Variants in PRKDC observed in about 807,000 individuals in gnomAD.
The protein encoded by PRKDC is DNA-dependent protein kinase catalytic subunit.
PRKDC carries 82 observed loss-of-function variants against 486.9 expected under a neutral mutation model. The ratio of observed to expected loss-of-function variants is 0.17; its 90% CI spans 0.14 to 0.20. The LOEUF (loss-of-function observed/expected upper bound fraction) is 0.20. PRKDC is among the 10% of genes least tolerant of loss of function. The pLI, the probability that PRKDC is intolerant of heterozygous loss-of-function variation, is 1.00. For synonymous variants in PRKDC, 1,895 were observed against 1,837.0 expected (o/e 1.03, Z -0.81); for missense variants, 4,504 against 5,038.2 (o/e 0.89, Z 3.21).
At position 47,782,542 on chromosome 8, in the gene PRKDC, G is replaced by C; in HGVS notation, c.11232C>G (p.Asp3744Glu). 6.4e-7 allele frequency: 1 copy of C among 1,574,686 alleles called. No individual in the cohort carries two copies. Among genetic ancestry groups the C allele is most frequent in the Non-Finnish European group, 8.6e-7 (1 of 1,160,336 alleles). The change falls in exon 79 of 86, where the codon GAC becomes GAG. Residue 3744 changes from aspartate to glutamate, a missense_variant. Transcript: ENST00000314191. The surrounding 1 kb of genome is among the most constrained non-coding windows in gnomAD (Gnocchi z 4.9). ...TCACCAGGAAAGGGTGTTCCCTCTC[G>C]TCATGGCCACGGATGATGATGCGCT... Reference protein sequence around the residue: ...RPKRIIIRGHDEREHPFLVKG... With the variant: ...RPKRIIIRGHEEREHPFLVKG...
rs757195045 is a variant in PRKDC, at chr8:47,776,956, C to T, written c.12070G>A (p.Gly4024Arg). 17 of 1,610,826 alleles carry T rather than the reference C, an allele frequency of 1.1e-5. No individual in the cohort carries two copies. Among genetic ancestry groups the T allele is most frequent in the Non-Finnish European group, 1.4e-5 (17 of 1,179,218 alleles). Residue 4024 changes from glycine to arginine, a missense_variant, in exon 85 of 86, where the codon GGA becomes AGA. This residue lies in a region of PRKDC where 706 missense variants were observed against 945.0 expected (regional missense o/e 0.75). Transcript: ENST00000314191. ...KNFEQKMLKKGGSWIQEINVA... is the reference protein window; with the variant it reads ...KNFEQKMLKKRGSWIQEINVA... ...TTTATTTCTTGAATCCATGACCCTC[C>T]TTTTTTCAGCATTTTCTGTTCAAAA...
chr8:47,808,016 G>A (rs1445272131), intron 68 of PRKDC, among the ~76,000 whole-genome samples: 1 of 152,188 alleles, frequency 6.6e-6, no homozygotes, highest in Non-Finnish European at 1.5e-5. Flanking sequence ...GAGCTATCAT[G>A]TCTGGCCTAA....
intron 10 of PRKDC, chr8:47,939,898 G>C (rs1035630394): frequency 1.4e-5 from 3 of 215,720 alleles, no homozygotes; most frequent in African/African-American, 7.5e-5. Flanking sequence ...AAGGCTATGT[G>C]ATACATTTTT....
At chr8:47,831,664 G>T in intron 60 of PRKDC, 150 bp downstream of exon 60, 1 of 755,554 alleles carries the variant, frequency 1.3e-6, no homozygotes, top group East Asian at 2.7e-5. Context: ...ATCCCTGTGG[G>T]GGAGCCCCAG....
In PRKDC at chr8:47,862,524, A is replaced by T. The variant is rs777682316; in HGVS notation, c.5768T>A (p.Phe1923Tyr). The T allele has an allele frequency of 1.2e-6, 2 of 1,610,254 alleles. No individual in the cohort carries two copies. Among genetic ancestry groups the T allele is most frequent in the South Asian group, 2.2e-5 (2 of 90,632 alleles). Residue 1923 changes from phenylalanine to tyrosine, a missense_variant, in exon 43 of 86, where the codon TTT becomes TAT. By Grantham distance (22) the Phe-to-Tyr change is conservative (BLOSUM62 3). This residue lies in a region of PRKDC where 80 missense variants were observed against 132.3 expected (regional missense o/e 0.60). Coordinates refer to ENST00000314191, the MANE Select transcript of PRKDC (RefSeq NM_006904.7). The part of the protein sequence containing the change: ...KTLIKLCYDA[F>Y]TENMAGENQL... ...ATTCTCTCCTGCCATGTTCTCTGTA[A>T]ATGCATCGTAGCACAATCTGCAGAG...
At chr8:47,886,390 T>C (rs1157533505) in intron 35 of PRKDC, among the ~76,000 whole-genome samples, 3 of 152,174 alleles carry the variant, frequency 2.0e-5, no homozygotes, top group African/African-American at 7.2e-5. Flanking sequence ...AAAGTCTTGT[T>C]GTTGTGTTTT....
At chr8:47,954,747 T>A (rs572071699) in intron 4 of PRKDC, among the ~76,000 whole-genome samples, 1 of 152,070 alleles carries the variant, frequency 6.6e-6, no homozygotes, top group African/African-American at 2.4e-5. Flanking sequence ...CTAGAACCTT[T>A]CTCCCAGAAG....
chr8:47,957,493 T>C, intron 1 of PRKDC, 62 bp from the exon 2 acceptor site: 1 of 1,297,280 alleles, frequency 7.7e-7, no homozygotes. Context: ...AAACCACTCC[T>C]AAAGGGGTTG....
Position 47,785,931 on chromosome 8 carries a change from C to G in PRKDC, c.10903-614G>C, listed in dbSNP as rs138740294. The stretch of plus-strand genomic sequence containing the variant: ...ACAAGCCTGGCCAACATTGTGAAAC[C>G]CTGTACCCACTTAAAATACAAAAAA... On this transcript the variant is annotated intron_variant, in intron 76 of 85. Transcript: ENST00000314191. Among the ~76,000 whole-genome samples the G allele has an allele frequency of 7.8e-3, 1,191 of 151,852 alleles. 12 individuals are homozygous for G. The highest frequency in any genetic ancestry group is 0.027 in the African/African-American group (1,108 of 41,386).
intron 22 of PRKDC, among the ~76,000 whole-genome samples, chr8:47,916,309 G>A (rs914690021): frequency 1.3e-5 from 2 of 152,010 alleles, no homozygotes; most frequent in Admixed American, 6.6e-5. Context: ...TTAGCCAGGC[G>A]TGGTGGCACG....
intron 54 of PRKDC, among the ~76,000 whole-genome samples, chr8:47,840,535 G>C (rs1473808789): frequency 6.6e-6 from 1 of 152,184 alleles, no homozygotes; most frequent in Non-Finnish European, 1.5e-5. Context: ...GTTGGGTAAA[G>C]GGTGTATATG....
At chr8:47,858,756 A>AG (rs1229540599) in intron 47 of PRKDC, 93 bp downstream of exon 47, 3 of 1,492,038 alleles carry the variant, frequency 2.0e-6, no homozygotes, top group Non-Finnish European at 2.7e-6. Context: ...TTATTTGATA[A>AG]GCAGTTTGGT....
chr8:47,830,880 C>CTT, intron 60 of PRKDC, 144 bp from the exon 61 acceptor site: 1 of 953,850 alleles, frequency 1.0e-6, no homozygotes, highest in South Asian at 1.6e-5. Flanking sequence ...AGTCGCCGTA[C>CTT]TTTACCGTCT....
Position 47,800,832 on chromosome 8 carries a change from G to T in PRKDC, c.10077C>A (p.Ile3359=). The part of the protein sequence containing the change: ...AEIEEDKARR[I]LELSGSSSED... ...CTGAACTGGATCCAGAAAGCTCTAA[G>T]ATTCTTCTAGCCTTGTCCTCCTCGA... The change falls in exon 71 of 86, where the codon ATC becomes ATA. Residue 3359 remains isoleucine (I), a synonymous_variant. Coordinates refer to ENST00000314191, the MANE Select transcript of PRKDC (RefSeq NM_006904.7). 1 of 1,612,628 alleles carries T rather than the reference G, an allele frequency of 6.2e-7. No homozygotes were observed. The highest frequency in any genetic ancestry group is 8.5e-7 in the Non-Finnish European group (1 of 1,179,364).
chr8:47,959,777 T>A (rs1428731945), intron 1 of PRKDC, among the ~76,000 whole-genome samples, 196 bp downstream of exon 1: 2 of 152,176 alleles, frequency 1.3e-5, no homozygotes, highest in African/African-American at 4.8e-5. Flanking sequence ...CTTTAAAATA[T>A]CTTTCCTCTA....
At chr8:47,906,267 G>A (rs931635526) in intron 25 of PRKDC, among the ~76,000 whole-genome samples, 13 of 152,208 alleles carry the variant, frequency 8.5e-5, no homozygotes, top group African/African-American at 3.1e-4. Context: ...GGATGGCTTG[G>A]GCCCAGGAGG....
chr8:47,784,288 G>C (rs1445461313), intron 77 of PRKDC: 1 of 161,010 alleles, frequency 6.2e-6, no homozygotes, highest in Admixed American at 6.0e-5. Context: ...TTCTCATTTT[G>C]ACTGATTATG....
chr8:47,776,702 G>A (rs2086613795), intron 85 of PRKDC, 142 bp downstream of exon 85: 1 of 1,166,214 alleles, frequency 8.6e-7, no homozygotes. Context: ...GCCTCTCTAA[G>A]CCCTGCTTTC....
chr8:47,895,977 T>G (rs13269722), intron 30 of PRKDC, among the ~76,000 whole-genome samples: 31,395 of 151,686 alleles, frequency 0.21, 4,275 homozygotes, highest in South Asian at 0.42. Flanking sequence ...GCGCAGAGGC[T>G]GCAGTGAGCC....
Sources: allele counts gnomAD v4.1 joint callset (sites outside exome capture counted in the v4.1 genomes callset), GRCh38; gene constraint gnomAD v4.1.1; regional missense constraint gnomAD v4.1.1; non-coding constraint Gnocchi (gnomAD v3.1); transcripts MANE v1.5; gene names NCBI Gene and HGNC (gene_info 2026-07-23, HGNC 2026-07-21).